The following RBM47 variants were observed in gnomAD, a reference collection of about 807,000 sequenced individuals.
RBM47 encodes RNA binding motif protein 47, also known as RNA-binding protein 47.
Under a neutral mutation model 47.1 loss-of-function variants are expected in RBM47, and 21 were observed. The ratio of observed to expected loss-of-function variants is 0.45; its 90% CI spans 0.32 to 0.64. The LOEUF (loss-of-function observed/expected upper bound fraction) is 0.64. Ranked by LOEUF, RBM47 falls within the 30% of genes least tolerant of loss-of-function variation. The pLI is 0.05. For missense variants in RBM47, 708 were observed against 870.9 expected, an observed-to-expected ratio of 0.81 and a Z score of 2.35; for synonymous variants, 375 against 361.7, an observed-to-expected ratio of 1.04 and a Z score of -0.42.
At chr4:40,552,698 C>A (rs1006811873) in intron 1 of RBM47, among the ~76,000 whole-genome samples, 2 of 152,210 alleles carry the variant, frequency 1.3e-5, no homozygotes, top group Non-Finnish European at 2.9e-5. Context: ...CCTCTAGGAG[C>A]CTGCATAGCG....
At chr4:40,450,128 G>A (rs1190425523) in intron 3 of RBM47, among the ~76,000 whole-genome samples, 1 of 152,184 alleles carries the variant, frequency 6.6e-6, no homozygotes, top group African/African-American at 2.4e-5. Flanking sequence ...AACAGTAGGA[G>A]GGACTTCTAG....
chr4:40,581,546 AT>A (rs947962180), intron 1 of RBM47, among the ~76,000 whole-genome samples: 2 of 148,552 alleles, frequency 1.3e-5, no homozygotes, highest in African/African-American at 4.9e-5. Context: ...TCTCATAGAG[AT>A]GGTTTGTTTG....
rs1714834745 is a variant in RBM47 at position 40,425,044 on chromosome 4, A to C, written c.*860T>G. The C allele has an allele frequency of 6.6e-6, 1 of 152,212 alleles. No homozygotes were observed. The highest frequency in any genetic ancestry group is 2.1e-4 in the South Asian group (1 of 4,822). 9.4% of individuals were successfully genotyped at this position (152,212 alleles called of 1,614,324 possible). On this transcript the variant is annotated 3_prime_UTR_variant, in exon 7 of 7. Coordinates refer to ENST00000295971, the MANE Select transcript of RBM47 (RefSeq NM_001098634.2). ...ACAAAAACCCAGGAAGAAGTATAAAAGCCACCAGCTCCTCTATCAGAGCTA... is the reference window on the plus strand; with the variant it reads ...ACAAAAACCCAGGAAGAAGTATAAACGCCACCAGCTCCTCTATCAGAGCTA...
chr4:40,586,133 T>C (rs143118968), intron 1 of RBM47, among the ~76,000 whole-genome samples: 6 of 152,274 alleles, frequency 3.9e-5, no homozygotes, highest in African/African-American at 1.4e-4. Context: ...GGAGATAGCA[T>C]AAATCCCCCC....
chr4:40,456,277 A>C (rs759418756), intron 3 of RBM47, among the ~76,000 whole-genome samples: 3 of 152,220 alleles, frequency 2.0e-5, no homozygotes, highest in Non-Finnish European at 2.9e-5. Context: ...TTAAGAGAGA[A>C]ACCCGGGCAT....
chr4:40,607,655 T>C (rs967309572), intron 1 of RBM47, among the ~76,000 whole-genome samples: 10 of 152,112 alleles, frequency 6.6e-5, no homozygotes, highest in Non-Finnish European at 1.3e-4. Flanking sequence ...TGCAGAGAGC[T>C]GCGGTCACAT....
At chr4:40,464,678 T>C (rs1717695436) in intron 3 of RBM47, among the ~76,000 whole-genome samples, 1 of 151,138 alleles carries the variant, frequency 6.6e-6, no homozygotes, top group African/African-American at 2.4e-5. Context: ...GGCGGGAGGA[T>C]CACGAGGTCA....
chr4:40,426,976 A>T (rs140356268), intron 6 of RBM47: 4 of 152,292 alleles, frequency 2.6e-5, no homozygotes, highest in African/African-American at 9.6e-5. Context: ...GTTTTTCCTT[A>T]AACATGGCCT....
intron 2 of RBM47, among the ~76,000 whole-genome samples, chr4:40,509,774 T>C (rs1208305721): frequency 1.3e-5 from 2 of 151,900 alleles, no homozygotes; most frequent in Non-Finnish European, 2.9e-5. Context: ...TAGTCCTAGC[T>C]ACTGCGGAGG....
intron 2 of RBM47, among the ~76,000 whole-genome samples, chr4:40,471,138 T>C (rs76550814): frequency 0.034 from 5,131 of 152,296 alleles, 114 homozygotes; most frequent in Non-Finnish European, 0.054. Flanking sequence ...GAGAGTCAAA[T>C]AACTAAGTTC....
At chr4:40,573,920 C>T (rs1732044262) in intron 1 of RBM47, among the ~76,000 whole-genome samples, 1 of 151,836 alleles carries the variant, frequency 6.6e-6, no homozygotes. Flanking sequence ...TCATAATTTC[C>T]ATTTCTGTAA....
At chr4:40,498,054 T>A (rs114023527) in intron 2 of RBM47, among the ~76,000 whole-genome samples, 1,200 of 109,604 alleles carry the variant, frequency 0.011, 34 homozygotes, top group African/African-American at 0.032. Context: ...AGTGCTTGTT[T>A]TATATATATA....
intron 1 of RBM47, among the ~76,000 whole-genome samples, chr4:40,551,936 C>T (rs1056645393): frequency 3.9e-5 from 6 of 152,046 alleles, no homozygotes; most frequent in African/African-American, 1.4e-4. Context: ...AGGTATGAGT[C>T]ACTGCATAGC....
intron 1 of RBM47, among the ~76,000 whole-genome samples, chr4:40,623,343 T>C (rs1198159106): frequency 3.3e-5 from 5 of 152,240 alleles, no homozygotes; most frequent in African/African-American, 1.2e-4. Context: ...AGGATTTCAC[T>C]AGAGGCAATT....
At chr4:40,598,237 G>A (rs1012676968) in intron 1 of RBM47, among the ~76,000 whole-genome samples, 1 of 152,038 alleles carries the variant, frequency 6.6e-6, no homozygotes, top group African/African-American at 2.4e-5. Flanking sequence ...CCCAATCACA[G>A]AACTTTATTT....
chr4:40,441,719 A>G (rs1210868643), intron 3 of RBM47, among the ~76,000 whole-genome samples: 1 of 152,218 alleles, frequency 6.6e-6, no homozygotes, highest in African/African-American at 2.4e-5. Context: ...TTCTACCTAC[A>G]AAAACAGTCT....
rs536597879 is a variant in RBM47, at chr4:40,449,772, G to A, written c.-31-10848C>T. 3.3e-5 allele frequency among the ~76,000 whole-genome samples: 5 copies of A among 152,240 alleles called. No homozygotes were observed. In the South Asian group the frequency reaches 8.3e-4, roughly 25 times the overall value. On this transcript the variant is annotated intron_variant, in intron 3 of 6. Coordinates refer to ENST00000295971, the MANE Select transcript of RBM47 (RefSeq NM_001098634.2). ...CAGCTCACTGAAGCCTCCACCGCCC[G>A]GGTTCAAGTGATTCTCCTGCCTCAG...
chr4:40,596,625 T>G (rs908567953), intron 1 of RBM47, among the ~76,000 whole-genome samples: 3 of 152,194 alleles, frequency 2.0e-5, no homozygotes, highest in African/African-American at 4.8e-5. Context: ...ACAATGAAAT[T>G]TGACTTTCAT....
At chr4:40,564,790 G>A (rs935376246) in intron 1 of RBM47, among the ~76,000 whole-genome samples, 1 of 152,208 alleles carries the variant, frequency 6.6e-6, no homozygotes, top group African/African-American at 2.4e-5. Context: ...TGATATTCAA[G>A]ACCTCAGGCC....
Sources: allele counts gnomAD v4.1 joint callset (sites outside exome capture counted in the v4.1 genomes callset), GRCh38; gene constraint gnomAD v4.1.1; transcripts MANE v1.5; gene names NCBI Gene and HGNC (gene_info 2026-07-23, HGNC 2026-07-21).